Variants in TMEM132C observed in about 807,000 individuals in gnomAD.
The protein encoded by TMEM132C is transmembrane protein 132C.
TMEM132C carries 29 observed loss-of-function variants against 61.4 expected under a neutral mutation model. That is an observed-to-expected ratio of 0.47 (90% CI 0.35 to 0.64). The LOEUF (loss-of-function observed/expected upper bound fraction) is 0.64. TMEM132C is among the 30% of genes least tolerant of loss of function. The pLI, the probability that TMEM132C is intolerant of heterozygous loss-of-function variation, is 0.00. For synonymous variants in TMEM132C, 656 were observed against 633.1 expected, an observed-to-expected ratio of 1.04 and a Z score of -0.54; for missense variants, 1,408 against 1,476.9, an observed-to-expected ratio of 0.95 and a Z score of 0.76.
chr12:128,518,359 G>A (rs1203434458), intron 2 of TMEM132C, among the ~76,000 whole-genome samples: 2 of 152,200 alleles, frequency 1.3e-5, no homozygotes, highest in East Asian at 1.9e-4. Context: ...AGGAAAAGAT[G>A]GAAAGTTCAG....
chr12:128,395,758 C>T (rs1874928828), intron 1 of TMEM132C, among the ~76,000 whole-genome samples: 1 of 152,194 alleles, frequency 6.6e-6, no homozygotes, highest in African/African-American at 2.4e-5. Flanking sequence ...TTCACACCGT[C>T]ATAAAGTAGA....
At chr12:128,603,469 C>T (rs1593116451) in intron 3 of TMEM132C, among the ~76,000 whole-genome samples, 1 of 152,292 alleles carries the variant, frequency 6.6e-6, no homozygotes, top group Non-Finnish European at 1.5e-5. Flanking sequence ...GCTCAGCCCT[C>T]GAAAGGACCT....
At chr12:128,562,201 A>G (rs1342263252) in intron 3 of TMEM132C, among the ~76,000 whole-genome samples, 1 of 152,186 alleles carries the variant, frequency 6.6e-6, no homozygotes, top group Non-Finnish European at 1.5e-5. Flanking sequence ...CAAGCCTCTT[A>G]AGTTGGCAAA....
rs1051982471 is a variant in TMEM132C at position 128,706,790 on chromosome 12, T to A, written c.*495T>A. The A allele has an allele frequency of 6.5e-6, 1 of 152,740 alleles. No individual in the cohort carries two copies. The highest frequency in any genetic ancestry group is 2.4e-5 in the African/African-American group (1 of 41,462). The allele number at this position is 152,740 out of a possible 1,614,324, so 9.5% of individuals were successfully genotyped here. A position where few individuals can be genotyped will look rare whatever the true frequency, so the allele number is the denominator to read the frequency against. Reference sequence around the variant, plus strand: ...TCACCACACAGCTGGGGGGGAGTCATTTCTTAACAAGGGATGCCTCTTGGG... The same window carrying A: ...TCACCACACAGCTGGGGGGGAGTCAATTCTTAACAAGGGATGCCTCTTGGG... On this transcript the variant is annotated 3_prime_UTR_variant, in exon 9 of 9. Transcript: ENST00000435159.
intron 3 of TMEM132C, among the ~76,000 whole-genome samples, chr12:128,601,372 C>G (rs1019697123): frequency 7.9e-5 from 12 of 152,266 alleles, no homozygotes; most frequent in African/African-American, 2.7e-4. Flanking sequence ...CAAACATTTG[C>G]TGTGCACTTT....
At chr12:128,591,582 A>G (rs181633768) in intron 3 of TMEM132C, among the ~76,000 whole-genome samples, 88 of 152,256 alleles carry the variant, frequency 5.8e-4, no homozygotes, top group Non-Finnish European at 8.2e-4. Context: ...ATGCAGAGAT[A>G]TGTTTCCATA....
intron 2 of TMEM132C, among the ~76,000 whole-genome samples, chr12:128,536,473 T>C (rs774475906): frequency 6.6e-6 from 1 of 151,790 alleles, no homozygotes; most frequent in Non-Finnish European, 1.5e-5. Context: ...CAAACCAACA[T>C]GGCACATGTA....
At chr12:128,383,263 G>A (rs1874472692) in intron 1 of TMEM132C, among the ~76,000 whole-genome samples, 1 of 152,202 alleles carries the variant, frequency 6.6e-6, no homozygotes, top group African/African-American at 2.4e-5. Context: ...ATACGTGCAT[G>A]TCTGTGTATT....
intron 2 of TMEM132C, among the ~76,000 whole-genome samples, chr12:128,428,272 C>G (rs1159880602): frequency 6.6e-6 from 1 of 152,032 alleles, no homozygotes; most frequent in Non-Finnish European, 1.5e-5. Flanking sequence ...GTTTCAGGTA[C>G]AAATGCATCA....
intron 1 of TMEM132C, among the ~76,000 whole-genome samples, chr12:128,290,092 CCAAA>C (rs1871205079): frequency 6.6e-6 from 1 of 152,132 alleles, no homozygotes. Flanking sequence ...AAGGCTGGAT[CCAAA>C]GGTGCAGAAA....
chr12:128,699,622 A>G (rs1354046504), intron 8 of TMEM132C, among the ~76,000 whole-genome samples: 1 of 152,180 alleles, frequency 6.6e-6, no homozygotes, highest in African/African-American at 2.4e-5. Flanking sequence ...CCAGCTAGAG[A>G]AATCGCTCAG....
intron 2 of TMEM132C, among the ~76,000 whole-genome samples, chr12:128,436,106 C>A (rs1869580111): frequency 6.6e-6 from 1 of 152,102 alleles, no homozygotes; most frequent in South Asian, 2.1e-4. Context: ...ATGTAGAAAG[C>A]TGAAACTGGA....
chr12:128,528,886 C>G (rs1470079824), intron 2 of TMEM132C, among the ~76,000 whole-genome samples: 1 of 152,150 alleles, frequency 6.6e-6, no homozygotes, highest in African/African-American at 2.4e-5. Context: ...GTATTCAGAG[C>G]TGGACAGACA....
intron 1 of TMEM132C, among the ~76,000 whole-genome samples, chr12:128,313,447 C>T (rs1309100085): frequency 6.6e-6 from 1 of 152,192 alleles, no homozygotes; most frequent in Non-Finnish European, 1.5e-5. Flanking sequence ...ACCGGAGGCC[C>T]CGCAGCACTC....
At chr12:128,330,444 T>C (rs1408490306) in intron 1 of TMEM132C, among the ~76,000 whole-genome samples, 1 of 152,156 alleles carries the variant, frequency 6.6e-6, no homozygotes, top group African/African-American at 2.4e-5. Flanking sequence ...TCCCTGCTAC[T>C]GAGGAGGCTG....
chr12:128,386,375 T>A (rs968218002), intron 1 of TMEM132C, among the ~76,000 whole-genome samples: 1 of 152,158 alleles, frequency 6.6e-6, no homozygotes, highest in African/African-American at 2.4e-5. Context: ...ACACCCTGAT[T>A]TTCCCCCTCC....
At chr12:128,303,373 T>C (rs2135920145) in intron 1 of TMEM132C, among the ~76,000 whole-genome samples, 1 of 152,326 alleles carries the variant, frequency 6.6e-6, no homozygotes, top group Admixed American at 6.5e-5. Flanking sequence ...GAAGCAGATA[T>C]TCTGATAGTA....
intron 4 of TMEM132C, among the ~76,000 whole-genome samples, chr12:128,651,898 A>T (rs1313690624): frequency 6.6e-6 from 1 of 152,216 alleles, no homozygotes; most frequent in East Asian, 1.9e-4. Flanking sequence ...ATTCCACAGA[A>T]CTTTGGCTTC....
At chr12:128,537,518 A>G (rs1237698686) in intron 2 of TMEM132C, among the ~76,000 whole-genome samples, 1 of 152,120 alleles carries the variant, frequency 6.6e-6, no homozygotes, top group Non-Finnish European at 1.5e-5. Context: ...TTGTATTTTT[A>G]TTTCTTGCAT....
Sources: gnomAD v4.1 joint callset for allele counts (sites outside exome capture counted in the v4.1 genomes callset) on GRCh38, gnomAD v4.1.1 for gene constraint, MANE v1.5 for transcripts, NCBI Gene and HGNC (gene_info 2026-07-23, HGNC 2026-07-21) for gene names.